LAMC1: variants seen among roughly 807,000 people sequenced by gnomAD.
The protein encoded by LAMC1 is laminin subunit gamma-1.
A neutral mutation model predicts 173.6 loss-of-function variants in LAMC1; 38 were observed. The observed-to-expected ratio is 0.22, with a 90% CI of 0.17 to 0.29. The LOEUF (loss-of-function observed/expected upper bound fraction) is 0.29, where lower values mean the gene tolerates loss of function less well. LAMC1 is among the 10% of genes least tolerant of loss of function. The probability of loss-of-function intolerance (pLI) is 1.00; values close to 1 mark genes in which losing one functional copy is unlikely to be tolerated. For synonymous variants in LAMC1, 746 were observed against 749.1 expected (o/e 1.00, Z 0.07); for missense variants, 1,824 against 2,051.8 (o/e 0.89, Z 2.14).
At chr1:183,089,819 T>C (rs1655521947) in intron 1 of LAMC1, among the ~76,000 whole-genome samples, 1 of 152,200 alleles carries the variant, frequency 6.6e-6, no homozygotes, top group Admixed American at 6.5e-5. Context: ...TGGGGGCCCA[T>C]TGTTTTAGAC....
Position 183,114,385 on chromosome 1 carries a change from A to G in LAMC1, c.1022-146A>G, listed in dbSNP as rs143833049. On this transcript the variant is annotated intron_variant, in intron 4 of 27. Coordinates refer to ENST00000258341, the MANE Select transcript of LAMC1 (RefSeq NM_002293.4). ...TGCACCTGACCTTCTTGTTGTTGTT[A>G]ATGAACAGTGCATCTGGTAATCATT... 31 of 834,234 alleles carry G rather than the reference A, an allele frequency of 3.7e-5. No individual in the cohort carries two copies. In the South Asian group the frequency reaches 4.5e-4, roughly 12 times the overall value. The allele number at this position is 834,234 out of a possible 1,614,324, so 51.7% of individuals were successfully genotyped here.
At chr1:183,030,939 T>G (rs1653833449) in intron 1 of LAMC1, among the ~76,000 whole-genome samples, 2 of 152,148 alleles carry the variant, frequency 1.3e-5, no homozygotes, top group Non-Finnish European at 2.9e-5. Flanking sequence ...ACACCATAAT[T>G]GCGCCTGTTG....
At position 183,023,682 on chromosome 1, in the gene LAMC1, T is replaced by G; in HGVS notation, c.-35T>G. Reference sequence around the variant, plus strand: ...AGGCGAGAGGAACGCGCCGGTGCCCTTGCCTTCGCCGTGACCCAGCGTGCG... The same window carrying G: ...AGGCGAGAGGAACGCGCCGGTGCCCGTGCCTTCGCCGTGACCCAGCGTGCG... On this transcript the variant is annotated 5_prime_UTR_variant, in exon 1 of 28. Coordinates refer to ENST00000258341, the MANE Select transcript of LAMC1 (RefSeq NM_002293.4). 8.6e-7 allele frequency: 1 copy of G among 1,157,892 alleles called. No individual in the cohort carries two copies. Among genetic ancestry groups the G allele is most frequent in the Non-Finnish European group, 1.1e-6 (1 of 938,924 alleles). 71.7% of individuals were successfully genotyped at this position (1,157,892 alleles called of 1,614,324 possible). A position where few individuals can be genotyped will look rare whatever the true frequency, so the allele number is the denominator to read the frequency against.
chr1:183,042,630 AGTG>A (rs992404496), intron 1 of LAMC1, among the ~76,000 whole-genome samples: 4 of 152,062 alleles, frequency 2.6e-5, no homozygotes, highest in Non-Finnish European at 5.9e-5. Flanking sequence ...AGTTGTAGGG[AGTG>A]GATATAGAAA....
Position 183,135,125 on chromosome 1 carries a change from A to G in LAMC1, c.4083A>G (p.Gln1361=), listed in dbSNP as rs1235801353. 6.2e-7 allele frequency: 1 copy of G among 1,613,620 alleles called. No individual in the cohort carries two copies. Among genetic ancestry groups the G allele is most frequent in the Non-Finnish European group, 8.5e-7 (1 of 1,179,652 alleles). The change falls in exon 24 of 28, where the codon CAA becomes CAG. Residue 1361 remains glutamine (Q), a synonymous_variant. Coordinates refer to ENST00000258341, the MANE Select transcript of LAMC1 (RefSeq NM_002293.4). ...EAAKKGRDTL[Q]EANDILNNLK... ...CAAAGAAGGGACGGGATACCTTACA[A>G]GAAGCTAATGACATTCTCAACAACC...
At chr1:183,126,918 G>A (rs919602604) in intron 16 of LAMC1, among the ~76,000 whole-genome samples, 9 of 152,202 alleles carry the variant, frequency 5.9e-5, no homozygotes, top group Non-Finnish European at 1.2e-4. Context: ...AGAATTGAAG[G>A]TAGAGATGAA....
In LAMC1 at chr1:183,098,668, T is replaced by C. The variant is rs567822639; in HGVS notation, c.419-4660T>C. Among the ~76,000 whole-genome samples the C allele has an allele frequency of 2.6e-4, 39 of 152,320 alleles. 1 individual carries two copies. In the South Asian group the frequency reaches 7.7e-3, roughly 30 times the overall value. ...CCCCACCCAACATTACTCCCTGTCT[T>C]TGCCGCCAGTCTTGAGCAGGTATCC... On this transcript the variant is annotated intron_variant, in intron 1 of 27. Coordinates refer to ENST00000258341, the MANE Select transcript of LAMC1 (RefSeq NM_002293.4).
chr1:183,093,136 C>T (rs1558045448), intron 1 of LAMC1, among the ~76,000 whole-genome samples: 1 of 152,074 alleles, frequency 6.6e-6, no homozygotes, highest in African/African-American at 2.4e-5. Context: ...TTAGGGCTCT[C>T]CCCTGTCTCT....
chr1:183,049,503 G>A (rs149311956), intron 1 of LAMC1, among the ~76,000 whole-genome samples: 3,696 of 149,062 alleles, frequency 0.025, 178 homozygotes, highest in African/African-American at 0.087. Flanking sequence ...TAGCTCTGTC[G>A]CCCAGGCTGA....
chr1:183,129,247 CGG>C (rs66644811), intron 18 of LAMC1, among the ~76,000 whole-genome samples: 1 of 151,258 alleles, frequency 6.6e-6, no homozygotes, highest in Non-Finnish European at 1.5e-5. Flanking sequence ...CCACCATGCC[CGG>C]GGTAATTTTT....
chr1:183,122,702 G>C (rs74468961), intron 13 of LAMC1, among the ~76,000 whole-genome samples: 249 of 152,140 alleles, frequency 1.6e-3, no homozygotes, highest in African/African-American at 5.6e-3. Flanking sequence ...CAAATGTCAG[G>C]CTCCATTTGC....
rs140533854 is a variant in LAMC1, at chr1:183,120,692, T to C, written c.1991-1031T>C. ...GTATCAGGGGCACCACTGGATTGGA[T>C]GAACCATTGGTCTAAGGCAATATAA... On this transcript the variant is annotated intron_variant, in intron 11 of 27. Coordinates refer to ENST00000258341, the MANE Select transcript of LAMC1 (RefSeq NM_002293.4). Among the ~76,000 whole-genome samples, 684 of 152,334 alleles carry C rather than the reference T, an allele frequency of 4.5e-3. 8 individuals are homozygous for C. The highest frequency in any genetic ancestry group is 0.016 in the African/African-American group (648 of 41,572).
In LAMC1 at chr1:183,135,044, C is replaced by A. The variant is rs776790707; in HGVS notation, c.4002C>A (p.Thr1334=). 5.0e-6 allele frequency: 8 copies of A among 1,612,550 alleles called. No individual in the cohort carries two copies. In the East Asian group the frequency reaches 1.6e-4, roughly 31 times the overall value. The part of the protein sequence containing the change: ...LLEKGKTEQQ[T]ADQLLARADA... ...TCTCATCTGCCATGTGTTTGCAGAC[C>A]GCAGACCAACTCCTAGCCCGAGCTG... The change falls in exon 24 of 28, where the codon ACC becomes ACA. Residue 1334 remains threonine, a splice_region_variant and synonymous_variant. Transcript: ENST00000258341.
chr1:183,078,868 C>G (rs1655186948), intron 1 of LAMC1, among the ~76,000 whole-genome samples: 1 of 152,042 alleles, frequency 6.6e-6, no homozygotes, highest in Admixed American at 6.6e-5. Flanking sequence ...AAAAAATTAG[C>G]TGGGCGTGGT....
chr1:183,110,737 C>A (rs1176320741), intron 4 of LAMC1, 83 bp downstream of exon 4: 9 of 1,386,840 alleles, frequency 6.5e-6, no homozygotes, highest in South Asian at 1.4e-5. Flanking sequence ...TTCTTTTATT[C>A]CTCCTTGAAA....
At chr1:183,066,666 G>A (rs954622427) in intron 1 of LAMC1, among the ~76,000 whole-genome samples, 1 of 152,164 alleles carries the variant, frequency 6.6e-6, no homozygotes, top group African/African-American at 2.4e-5. Context: ...GGACATGGAT[G>A]AAGCTGGAAA....
intron 1 of LAMC1, among the ~76,000 whole-genome samples, chr1:183,042,437 G>T (rs1292838660): frequency 6.6e-6 from 1 of 152,182 alleles, no homozygotes; most frequent in Non-Finnish European, 1.5e-5. Context: ...CTGGAAAATG[G>T]GGTCTAGCTG....
chr1:183,094,162 T>G (rs1335678929), intron 1 of LAMC1, among the ~76,000 whole-genome samples: 1 of 152,170 alleles, frequency 6.6e-6, no homozygotes, highest in Non-Finnish European at 1.5e-5. Flanking sequence ...CGCACTGGCC[T>G]CCTCACCACT....
At chr1:183,124,970 C>T in intron 14 of LAMC1, 94 bp downstream of exon 14, 1 of 1,464,638 alleles carries the variant, frequency 6.8e-7, no homozygotes, top group Non-Finnish European at 9.2e-7. Flanking sequence ...GTTGTTTAGT[C>T]CAATAGAAAT....
Sources: allele counts gnomAD v4.1 joint callset (sites outside exome capture counted in the v4.1 genomes callset), GRCh38; gene constraint gnomAD v4.1.1; transcripts MANE v1.5; gene names NCBI Gene and HGNC (gene_info 2026-07-23, HGNC 2026-07-21).